The following FRMD3 variants were observed in gnomAD, a reference collection of about 807,000 sequenced individuals.
FRMD3 encodes the protein FERM domain containing 3.
A neutral mutation model predicts 70.2 loss-of-function variants in FRMD3; 33 were observed. The ratio of observed to expected loss-of-function variants is 0.47; its 90% CI spans 0.36 to 0.63. FRMD3 has a LOEUF of 0.63. Among genes scored for constraint, FRMD3 ranks in the 20% least tolerant of loss-of-function variants. The pLI, the probability that FRMD3 is intolerant of heterozygous loss-of-function variation, is 0.00. For synonymous variants in FRMD3, 279 were observed against 255.9 expected, an observed-to-expected ratio of 1.09 and a Z score of -0.86; for missense variants, 632 against 711.4, an observed-to-expected ratio of 0.89 and a Z score of 1.27.
At chr9:83,447,552 G>C (rs1009293574) in intron 1 of FRMD3, among the ~76,000 whole-genome samples, 1 of 150,694 alleles carries the variant, frequency 6.6e-6, no homozygotes, top group Non-Finnish European at 1.5e-5. Context: ...GGTGAGTTCT[G>C]TCATGGGGGC....
intron 1 of FRMD3, among the ~76,000 whole-genome samples, chr9:83,469,135 T>C (rs964640046): frequency 1.3e-5 from 2 of 152,166 alleles, no homozygotes; most frequent in Non-Finnish European, 2.9e-5. Context: ...TGAGGCAAGA[T>C]ACAGACGAGA....
intron 1 of FRMD3, among the ~76,000 whole-genome samples, chr9:83,485,797 T>G (rs572196789): frequency 6.6e-6 from 1 of 152,272 alleles, no homozygotes; most frequent in Non-Finnish European, 1.5e-5. Flanking sequence ...TACTGTGTCA[T>G]TCACATACAT....
At chr9:83,424,090 C>A (rs1301013664) in intron 1 of FRMD3, among the ~76,000 whole-genome samples, 2 of 152,072 alleles carry the variant, frequency 1.3e-5, no homozygotes, top group African/African-American at 2.4e-5. Flanking sequence ...ATGGAGTAGT[C>A]TGGGGAGGGG....
the FRMD3 span, among the ~76,000 whole-genome samples, chr9:83,584,446 C>G: frequency 2.6e-5 from 4 of 152,110 alleles, no homozygotes; most frequent in East Asian, 7.7e-4. Flanking sequence ...CCCTCCACAT[C>G]CAATCAGCCT....
intron 4 of FRMD3, among the ~76,000 whole-genome samples, chr9:83,345,639 C>A (rs2131171789): frequency 6.6e-6 from 1 of 152,154 alleles, no homozygotes; most frequent in African/African-American, 2.4e-5. Flanking sequence ...TGCCTATAAT[C>A]CCAGCTACTC....
At chr9:83,267,316 G>GGAGGGGA (rs1240655679) in intron 13 of FRMD3, 2 of 1,426,554 alleles carry the variant, frequency 1.4e-6, no homozygotes, top group Non-Finnish European at 1.8e-6. Context: ...AGGGGAGGAG[G>GGAGGGGA]GAGGGGACGC....
rs966507508 is a variant in FRMD3 at position 83,290,318 on chromosome 9, A to G, written c.1195+285T>C. Among the ~76,000 whole-genome samples, 117 of 152,220 alleles carry G rather than the reference A, an allele frequency of 7.7e-4. 7 individuals carry two copies. Among genetic ancestry groups the G allele is most frequent in the Non-Finnish European group, 2.9e-5 (2 of 68,036 alleles). On this transcript the variant is annotated intron_variant, in intron 13 of 13. Transcript: ENST00000304195. ...TAGTTTAATACAGCCACACATGGCT[A>G]ATGGTTAGTGTACTGGACTGGTGTA...
At position 83,298,947 on chromosome 9, in the gene FRMD3, G is replaced by A. The variant is rs58813904; in HGVS notation, c.1002-131C>T. 4,753 of 1,043,802 alleles carry A rather than the reference G, an allele frequency of 4.6e-3. 168 individuals carry two copies. In the African/African-American group the frequency reaches 0.066, roughly 15 times the overall value. 64.7% of individuals were successfully genotyped at this position (1,043,802 alleles called of 1,614,324 possible). A position where few individuals can be genotyped will look rare whatever the true frequency, so the allele number is the denominator to read the frequency against. Reference sequence around the variant, plus strand: ...TAGAAATCATGAGGGGGAAAATTACGGTAGAATTTGAGGGTGCCCTGTGAG... The same window carrying A: ...TAGAAATCATGAGGGGGAAAATTACAGTAGAATTTGAGGGTGCCCTGTGAG... On this transcript the variant is annotated intron_variant, in intron 11 of 13. Coordinates refer to ENST00000304195, the MANE Select transcript of FRMD3 (RefSeq NM_174938.6).
intron 1 of FRMD3, among the ~76,000 whole-genome samples, chr9:83,430,582 A>G (rs551505537): frequency 3.9e-5 from 6 of 152,248 alleles, no homozygotes; most frequent in Non-Finnish European, 5.9e-5. Flanking sequence ...ACCATGATAA[A>G]AGAAAAACTT....
rs375820261 is a variant in FRMD3, at chr9:83,246,667, T to TCA, written c.*1250_*1251insTG. Reference sequence around the variant, plus strand: ...TTCTCTCTCTCTCTCTCTCTCTCTCTCTCACACACACACACACGCACACTC... The same window carrying TCA: ...TTCTCTCTCTCTCTCTCTCTCTCTCTCACTCACACACACACACACGCACACTC... On this transcript the variant is annotated 3_prime_UTR_variant, in exon 14 of 14. Coordinates refer to ENST00000304195, the MANE Select transcript of FRMD3 (RefSeq NM_174938.6). 5,830 of 817,542 alleles carry TCA rather than the reference T, an allele frequency of 7.1e-3. 97 individuals carry two copies. In the African/African-American group the frequency reaches 0.084, roughly 12 times the overall value. 50.6% of individuals were successfully genotyped at this position (817,542 alleles called of 1,614,324 possible). A position where few individuals can be genotyped will look rare whatever the true frequency, so the allele number is the denominator to read the frequency against.
chr9:83,438,585 A>G (rs1286056651), intron 1 of FRMD3, among the ~76,000 whole-genome samples: 2 of 152,106 alleles, frequency 1.3e-5, no homozygotes, highest in Non-Finnish European at 2.9e-5. Context: ...TTTTTAGTAG[A>G]GACAGGGTTT....
intron 1 of FRMD3, among the ~76,000 whole-genome samples, chr9:83,459,506 C>A (rs767832112): frequency 6.6e-6 from 1 of 152,228 alleles, no homozygotes; most frequent in African/African-American, 2.4e-5. Context: ...TCCCCAGGGG[C>A]GTCCCCAAGA....
chr9:83,267,646 A>G (rs545720553), intron 13 of FRMD3, among the ~76,000 whole-genome samples: 44 of 152,366 alleles, frequency 2.9e-4, no homozygotes, highest in African/African-American at 9.6e-4. Context: ...ATGTATTACA[A>G]TTAATTTTAA....
intron 6 of FRMD3, among the ~76,000 whole-genome samples, chr9:83,334,125 C>T (rs1823492396): frequency 6.6e-6 from 1 of 152,070 alleles, no homozygotes; most frequent in Non-Finnish European, 1.5e-5. Flanking sequence ...CCCTGTGCTC[C>T]CCGGAACACT....
chr9:83,285,059 A>T (rs1031830553), intron 13 of FRMD3, among the ~76,000 whole-genome samples: 2 of 152,242 alleles, frequency 1.3e-5, no homozygotes, highest in African/African-American at 4.8e-5. Context: ...CTCTTTTTAC[A>T]TGCACGAAAT....
chr9:83,568,433 AAC>A, the FRMD3 span, among the ~76,000 whole-genome samples: 1 of 152,228 alleles, frequency 6.6e-6, no homozygotes, highest in South Asian at 2.1e-4. Context: ...ATATTTTTAA[AAC>A]ACATATCAAG....
At chr9:83,576,301 A>C in the FRMD3 span, among the ~76,000 whole-genome samples, 1 of 152,054 alleles carries the variant, frequency 6.6e-6, no homozygotes, top group Non-Finnish European at 1.5e-5. Context: ...CCATATGATC[A>C]TCTCAATAGT....
intron 3 of FRMD3, among the ~76,000 whole-genome samples, chr9:83,369,236 T>C (rs925352169): frequency 1.3e-5 from 2 of 152,116 alleles, no homozygotes; most frequent in African/African-American, 4.8e-5. Context: ...CACTTTACAA[T>C]AGCAAAATAC....
At chr9:83,301,525 TA>T (rs201599383) in intron 10 of FRMD3, among the ~76,000 whole-genome samples, 11 of 141,862 alleles carry the variant, frequency 7.8e-5, no homozygotes, top group Admixed American at 1.4e-4. Context: ...GTGGTTGGCT[TA>T]AAAAAAAAAA....
Sources: allele counts gnomAD v4.1 joint callset (sites outside exome capture counted in the v4.1 genomes callset), GRCh38; gene constraint gnomAD v4.1.1; transcripts MANE v1.5; gene names NCBI Gene and HGNC (gene_info 2026-07-23, HGNC 2026-07-21).